Variants in ME3 observed in about 807,000 individuals in gnomAD.
The protein encoded by ME3 is NADP-dependent malic enzyme, mitochondrial.
Under a neutral mutation model 68.9 loss-of-function variants are expected in ME3, and 48 were observed. That is an observed-to-expected ratio of 0.70 (90% CI 0.55 to 0.89). The LOEUF (loss-of-function observed/expected upper bound fraction) is 0.89. ME3 is among the 40% of genes least tolerant of loss of function. The probability of loss-of-function intolerance (pLI) is 0.00; values close to 1 mark genes in which losing one functional copy is unlikely to be tolerated. For missense variants in ME3, 675 were observed against 797.4 expected, an observed-to-expected ratio of 0.85 and a Z score of 1.85; for synonymous variants, 320 against 318.8, an observed-to-expected ratio of 1.00 and a Z score of -0.04.
chr11:86,487,799 C>T (rs528649240), intron 6 of ME3, among the ~76,000 whole-genome samples: 65 of 152,330 alleles, frequency 4.3e-4, no homozygotes, highest in African/African-American at 1.3e-3. Context: ...AACGTGAGGC[C>T]TGACGTGCAC....
intron 2 of ME3, among the ~76,000 whole-genome samples, chr11:86,651,044 G>C (rs1945380387): frequency 6.6e-6 from 1 of 152,230 alleles, no homozygotes; most frequent in South Asian, 2.1e-4. Context: ...GCGAGGCTGG[G>C]GGAGGGGCAC....
At chr11:86,624,106 T>A (rs1223688597) in intron 2 of ME3, among the ~76,000 whole-genome samples, 2 of 152,152 alleles carry the variant, frequency 1.3e-5, no homozygotes, top group East Asian at 3.9e-4. Flanking sequence ...TAATATAAAC[T>A]TTGGGAGCTG....
At chr11:86,463,554 G>A (rs904590151) in intron 8 of ME3, among the ~76,000 whole-genome samples, 1 of 152,252 alleles carries the variant, frequency 6.6e-6, no homozygotes, top group African/African-American at 2.4e-5. Flanking sequence ...GGGTAAGGGG[G>A]AGACAGAATG....
chr11:86,521,454 A>AT lies in ME3; in HGVS notation c.468-12588_468-12587insA, dbSNP rs61143988. Among the ~76,000 whole-genome samples, 990 of 111,222 alleles carry AT rather than the reference A, an allele frequency of 8.9e-3. 20 individuals are homozygous for AT. The highest frequency in any genetic ancestry group is 0.033 in the African/African-American group (903 of 27,654). 73.0% of individuals were successfully genotyped at this position (111,222 alleles called of 152,430 possible). A position where few individuals can be genotyped will look rare whatever the true frequency, so the allele number is the denominator to read the frequency against. Reference sequence around the variant, plus strand: ...AAAAATAATAATAATAATAATAATAAAAAAATGGAGCTGTAATCATTAAAT... The same window carrying AT: ...AAAAATAATAATAATAATAATAATAATAAAAATGGAGCTGTAATCATTAAAT... On this transcript the variant is annotated intron_variant, in intron 4 of 14. Transcript: ENST00000543262.
At chr11:86,497,752 G>C (rs1305929974) in intron 6 of ME3, among the ~76,000 whole-genome samples, 1 of 152,132 alleles carries the variant, frequency 6.6e-6, no homozygotes, top group Non-Finnish European at 1.5e-5. Flanking sequence ...GCCCAGGAGT[G>C]GGAGAGGGAA....
At chr11:86,503,981 C>A (rs1565870698) in intron 5 of ME3, among the ~76,000 whole-genome samples, 1 of 152,204 alleles carries the variant, frequency 6.6e-6, no homozygotes, top group Non-Finnish European at 1.5e-5. Context: ...CAGCTCAAGG[C>A]AGCCTGGCCT....
chr11:86,500,138 A>T (rs973282290), intron 5 of ME3, among the ~76,000 whole-genome samples: 3 of 152,178 alleles, frequency 2.0e-5, no homozygotes, highest in African/African-American at 7.2e-5. Context: ...CTATGCCCTC[A>T]TGCTGCCTCT....
chr11:86,455,484 T>G (rs1203765741), intron 8 of ME3, among the ~76,000 whole-genome samples: 1 of 152,212 alleles, frequency 6.6e-6, no homozygotes, highest in Non-Finnish European at 1.5e-5. Context: ...TATAAAACAG[T>G]TGTTCATGAC....
At chr11:86,598,435 G>C in intron 2 of ME3, among the ~76,000 whole-genome samples, 1 of 152,218 alleles carries the variant, frequency 6.6e-6, no homozygotes, top group East Asian at 1.9e-4. Flanking sequence ...TTAGGTAAAC[G>C]AAGCAGCCAG....
At chr11:86,437,455 T>G, downstream of ME3, among the ~76,000 whole-genome samples, 1 of 152,138 alleles carries the variant, frequency 6.6e-6, no homozygotes, top group South Asian at 2.1e-4. Flanking sequence ...TTGAGATCCT[T>G]TACATTACCA....
intron 4 of ME3, among the ~76,000 whole-genome samples, chr11:86,514,002 C>T (rs903830502): frequency 3.9e-5 from 6 of 152,050 alleles, no homozygotes; most frequent in Admixed American, 2.0e-4. Flanking sequence ...AAGGGAGGAA[C>T]CTGTAATCCC....
In ME3 at chr11:86,508,783, G is replaced by A. The variant is rs1273613694; in HGVS notation, c.543+9C>T. ...CAATGATTAAATAGCAATGAAAACGGGATCATACCTTAATATTGTCTTCTG... is the reference window on the plus strand; with the variant it reads ...CAATGATTAAATAGCAATGAAAACGAGATCATACCTTAATATTGTCTTCTG... On this transcript the variant is annotated intron_variant, in intron 5 of 14. Coordinates refer to ENST00000543262, the Ensembl canonical transcript of ME3. 9 of 1,603,258 alleles carry A rather than the reference G, an allele frequency of 5.6e-6. No individual in the cohort carries two copies. The highest frequency in any genetic ancestry group is 2.2e-5 in the East Asian group (1 of 44,836).
At chr11:86,502,149 G>GA (rs1952766350) in intron 5 of ME3, among the ~76,000 whole-genome samples, 1 of 152,076 alleles carries the variant, frequency 6.6e-6, no homozygotes, top group Non-Finnish European at 1.5e-5. Context: ...GTACTTTCTT[G>GA]AATACATGCC....
intron 7 of ME3, among the ~76,000 whole-genome samples, chr11:86,473,510 A>C (rs570078768): frequency 1.4e-4 from 21 of 152,286 alleles, no homozygotes; most frequent in Non-Finnish European, 2.4e-4. Flanking sequence ...GGAGGTATAC[A>C]TATGAGATAC....
At chr11:86,472,922 G>A (rs553508303) in intron 7 of ME3, among the ~76,000 whole-genome samples, 7 of 152,328 alleles carry the variant, frequency 4.6e-5, no homozygotes, top group South Asian at 4.1e-4. Flanking sequence ...TTGATAAGGC[G>A]GAGTTGGCAC....
At chr11:86,623,516 G>C (rs199597905) in intron 2 of ME3, among the ~76,000 whole-genome samples, 1 of 151,552 alleles carries the variant, frequency 6.6e-6, no homozygotes, top group Admixed American at 6.6e-5. Flanking sequence ...TTTGGAGAAC[G>C]CTAACATGAT....
At chr11:86,575,723 A>G (rs1405089824) in intron 2 of ME3, among the ~76,000 whole-genome samples, 1 of 152,180 alleles carries the variant, frequency 6.6e-6, no homozygotes, top group Non-Finnish European at 1.5e-5. Context: ...CCTTGCAACT[A>G]TCTATTTGTG....
chr11:86,642,633 G>A (rs867368092), intron 2 of ME3, among the ~76,000 whole-genome samples: 4 of 152,168 alleles, frequency 2.6e-5, no homozygotes, highest in African/African-American at 7.2e-5. Context: ...ACCCTGGGAG[G>A]TGGAGGCTGC....
At chr11:86,570,158 C>T (rs558208740) in intron 2 of ME3, among the ~76,000 whole-genome samples, 4 of 152,250 alleles carry the variant, frequency 2.6e-5, no homozygotes, top group South Asian at 4.1e-4. Context: ...TAGCAGACAC[C>T]GTGTAACAGT....
Sources: allele counts gnomAD v4.1 joint callset (sites outside exome capture counted in the v4.1 genomes callset), GRCh38; gene constraint gnomAD v4.1.1; transcripts MANE v1.5; gene names NCBI Gene and HGNC (gene_info 2026-07-23, HGNC 2026-07-21).